CCDC50: variants seen among roughly 807,000 people sequenced by gnomAD.
CCDC50 encodes the protein coiled-coil domain containing 50.
In CCDC50, 54 loss-of-function variants were observed where a neutral mutation model predicts 70.2. The observed-to-expected ratio is 0.77, with a 90% CI of 0.62 to 0.96. The LOEUF is 0.96. CCDC50 is among the 50% of genes least tolerant of loss of function. The pLI is 0.00. For synonymous variants in CCDC50, 216 were observed against 198.8 expected, an observed-to-expected ratio of 1.09 and a Z score of -0.73; for missense variants, 558 against 578.7, an observed-to-expected ratio of 0.96 and a Z score of 0.37.
rs946538921 is a variant in CCDC50 at position 191,395,253 on chromosome 3, G to A, written c.*3493G>A. On this transcript the variant is annotated 3_prime_UTR_variant, in exon 12 of 12. Transcript: ENST00000392455. ...ATGATGAGTAAATTCTTTGCTGACT[G>A]TTGCTCATCACTTTCTCTCAAAGTT... is the stretch of plus-strand genomic sequence containing the variant. 2 of 152,074 alleles carry A rather than the reference G, an allele frequency of 1.3e-5. No homozygotes were observed. Among genetic ancestry groups the A allele is most frequent in the Admixed American group, 1.3e-4 (2 of 15,270 alleles). 9.4% of individuals were successfully genotyped at this position (152,074 alleles called of 1,614,324 possible). A position where few individuals can be genotyped will look rare whatever the true frequency, so the allele number is the denominator to read the frequency against.
chr3:191,358,194 G>A, intron 3 of CCDC50, 70 bp downstream of exon 3: 5 of 1,581,716 alleles, frequency 3.2e-6, no homozygotes, highest in Non-Finnish European at 4.3e-6. Context: ...ACCAGGGCAG[G>A]GGAGAAGGAG....
chr3:191,389,389 G>T (rs753473754), intron 10 of CCDC50, 107 bp from the exon 11 acceptor site: 1 of 923,490 alleles, frequency 1.1e-6, no homozygotes, highest in Non-Finnish European at 1.8e-6. Flanking sequence ...AAGCATTTTG[G>T]CTTTTCATTT....
rs9847278 is a variant in CCDC50 at position 191,329,743 on chromosome 3, A to G, written c.49+20A>G. Reference sequence around the variant, plus strand: ...AGGAAGGTAAGGGCCCCGGAGGGAGAGCGCGCGGGACCCTCCCCTCTCCCA... The same window carrying G: ...AGGAAGGTAAGGGCCCCGGAGGGAGGGCGCGCGGGACCCTCCCCTCTCCCA... On this transcript the variant is annotated intron_variant, in intron 1 of 11. Transcript: ENST00000392455. 0.57 allele frequency: 920,120 copies of G among 1,602,756 alleles called. 272,951 individuals carry two copies. Among genetic ancestry groups the G allele is most frequent in the East Asian group, 0.9 (39,922 of 44,388 alleles).
At chr3:191,374,881 G>A (rs1038336975) in intron 5 of CCDC50, among the ~76,000 whole-genome samples, 181 bp from the exon 6 acceptor site, 1 of 151,850 alleles carries the variant, frequency 6.6e-6, no homozygotes, top group Non-Finnish European at 1.5e-5. Context: ...AATTCTTTAG[G>A]TATGCATGAA....
chr3:191,348,251 C>T (rs1711990975), intron 1 of CCDC50, among the ~76,000 whole-genome samples: 2 of 141,100 alleles, frequency 1.4e-5, no homozygotes, highest in African/African-American at 5.1e-5. Context: ...ACAGAGATTC[C>T]CCCACCATCA....
At chr3:191,345,461 C>T (rs1560157430) in intron 1 of CCDC50, among the ~76,000 whole-genome samples, 1 of 152,200 alleles carries the variant, frequency 6.6e-6, no homozygotes, top group Non-Finnish European at 1.5e-5. Context: ...CTCTTCCTCT[C>T]ACTCCAGATC....
chr3:191,329,697 A>C lies in CCDC50; in HGVS notation c.23A>C (p.Gln8Pro). Residue 8 changes from glutamine (Q) to proline (P), a missense_variant, in exon 1 of 12, where the codon CAG (glutamine) becomes CCG (proline). Physicochemically the swap from Gln to Pro is moderately conservative, Grantham distance 76. Coordinates refer to ENST00000392455, the MANE Select transcript of CCDC50 (RefSeq NM_178335.3). ...GGTATGGCTGAAGTCAGCATCGACC[A>C]GTCCAAGCTGCCTGGAGTCAAGGAA... MAEVSID[Q>P]SKLPGVKEVC... 1.2e-6 allele frequency: 2 copies of C among 1,610,862 alleles called. No homozygotes were observed. Among genetic ancestry groups the C allele is most frequent in the Non-Finnish European group, 1.7e-6 (2 of 1,179,048 alleles).
chr3:191,391,051 T>G lies in CCDC50; in HGVS notation c.1430-690T>G, dbSNP rs573803291. On this transcript the variant is annotated intron_variant, in intron 11 of 11. Coordinates refer to ENST00000392455, the MANE Select transcript of CCDC50 (RefSeq NM_178335.3). The stretch of plus-strand genomic sequence containing the variant: ...CAGTCTAAATAGAAAGTGTCAGAGT[T>G]GTCAGGATCATAAAAGATTAAATAT... Among the ~76,000 whole-genome samples the G allele has an allele frequency of 3.3e-5, 5 of 152,330 alleles. No individual in the cohort carries two copies. The East Asian group carries it at 9.6e-4, about 29-fold the overall frequency.
rs112014891 is a variant in CCDC50 at position 191,386,650 on chromosome 3, A to G, written c.1323-2846A>G. ...AGCATAGTCTCAGGAAACAAAATCC[A>G]TGTACAAAAATCAGTAGCATTTCTA... On this transcript the variant is annotated intron_variant, in intron 10 of 11. Transcript: ENST00000392455. Among the ~76,000 whole-genome samples the G allele has an allele frequency of 3.3e-3, 508 of 152,344 alleles. 4 individuals are homozygous for G. Among genetic ancestry groups the G allele is most frequent in the African/African-American group, 0.012 (486 of 41,582 alleles).
chr3:191,380,588 C>T, intron 7 of CCDC50, 99 bp from the exon 8 acceptor site: 1 of 1,162,150 alleles, frequency 8.6e-7, no homozygotes, highest in East Asian at 2.5e-5. Flanking sequence ...ACATGAGTCA[C>T]AATTATTTTC....
rs754496307 is a variant in CCDC50 at position 191,329,635 on chromosome 3, G to A, written c.-40G>A. The A allele has an allele frequency of 3.8e-6, 6 of 1,592,394 alleles. No homozygotes were observed. The Admixed American group carries it at 5.3e-5, about 14-fold the overall frequency. On this transcript the variant is annotated 5_prime_UTR_variant, in exon 1 of 12. Transcript: ENST00000392455. ...CCCGCTCGGCGCCGGCGGTGACCGG[G>A]AAGCCCGCGTTAAAGGGGCAACCGG... is the stretch of plus-strand genomic sequence containing the variant.
At chr3:191,353,519 G>A (rs1208071157) in intron 1 of CCDC50, among the ~76,000 whole-genome samples, 4 of 141,316 alleles carry the variant, frequency 2.8e-5, no homozygotes, top group Admixed American at 7.2e-5. Context: ...CGAAGGCAGA[G>A]GAGGTTAGAA....
At chr3:191,364,838 T>C (rs986924504) in intron 4 of CCDC50, among the ~76,000 whole-genome samples, 1 of 152,102 alleles carries the variant, frequency 6.6e-6, no homozygotes, top group Admixed American at 6.6e-5. Flanking sequence ...TTCATTCCTC[T>C]TCTTCACTTT....
chr3:191,375,959 G>A (rs962549694), intron 6 of CCDC50, among the ~76,000 whole-genome samples: 4 of 152,140 alleles, frequency 2.6e-5, no homozygotes, highest in African/African-American at 9.7e-5. Flanking sequence ...ACCCAGAAGA[G>A]CTGATGAGCC....
chr3:191,357,030 T>C, intron 1 of CCDC50, 58 bp from the exon 2 acceptor site: 1 of 1,077,138 alleles, frequency 9.3e-7, no homozygotes, highest in Non-Finnish European at 1.4e-6. Flanking sequence ...TCCTTTCCTT[T>C]GTATGTTAAA....
At chr3:191,390,250 T>A (rs1432736728) in intron 11 of CCDC50, among the ~76,000 whole-genome samples, 1 of 152,102 alleles carries the variant, frequency 6.6e-6, no homozygotes, top group Non-Finnish European at 1.5e-5. Context: ...ATGACTCTTA[T>A]TAATTAGATT....
chr3:191,382,962 T>G (rs1387204775), intron 10 of CCDC50, 137 bp downstream of exon 10: 1 of 655,556 alleles, frequency 1.5e-6, no homozygotes, highest in East Asian at 2.8e-5. Flanking sequence ...GTCAAGACAT[T>G]CAGGGTTATT....
At chr3:191,338,105 T>C (rs1711578628) in intron 1 of CCDC50, among the ~76,000 whole-genome samples, 1 of 152,188 alleles carries the variant, frequency 6.6e-6, no homozygotes, top group Non-Finnish European at 1.5e-5. Flanking sequence ...GAGTTTTAAC[T>C]GCATATAGTA....
chr3:191,388,144 A>G (rs1255890965), intron 10 of CCDC50, among the ~76,000 whole-genome samples: 1 of 151,816 alleles, frequency 6.6e-6, no homozygotes, highest in Non-Finnish European at 1.5e-5. Context: ...TTACTTTTAT[A>G]TATATATATA....
Sources: gnomAD v4.1 joint callset for allele counts (sites outside exome capture counted in the v4.1 genomes callset) on GRCh38, gnomAD v4.1.1 for gene constraint, MANE v1.5 for transcripts, NCBI Gene and HGNC (gene_info 2026-07-23, HGNC 2026-07-21) for gene names.